The following AGBL4 variants were observed in gnomAD, a reference collection of about 807,000 sequenced individuals.
AGBL4 encodes AGBL carboxypeptidase 4, also known as cytosolic carboxypeptidase 6.
In AGBL4, 58 loss-of-function variants were observed where a neutral mutation model predicts 66.4. That is an observed-to-expected ratio of 0.87 (90% CI 0.71 to 1.09). The LOEUF (loss-of-function observed/expected upper bound fraction) is 1.09, where lower values mean the gene tolerates loss of function less well. Among genes scored for constraint, AGBL4 ranks in the 50% least tolerant of loss-of-function variants. The probability of loss-of-function intolerance (pLI) is 0.00; values close to 1 mark genes in which losing one functional copy is unlikely to be tolerated. For missense variants in AGBL4, 579 were observed against 631.0 expected (o/e 0.92, Z 0.88); for synonymous variants, 234 against 222.9 (o/e 1.05, Z -0.44).
intron 3 of AGBL4, among the ~76,000 whole-genome samples, chr1:49,253,917 CAT>C (rs1425246578): frequency 6.6e-6 from 1 of 152,220 alleles, no homozygotes; most frequent in East Asian, 1.9e-4. Context: ...ATAAAAACCA[CAT>C]GATTATTTCA....
chr1:49,093,290 G>C (rs1352190147), intron 4 of AGBL4, among the ~76,000 whole-genome samples: 1 of 152,166 alleles, frequency 6.6e-6, no homozygotes, highest in East Asian at 1.9e-4. Context: ...ATAATAATGA[G>C]AAAACAACAC....
chr1:48,661,311 G>A (rs569030116), intron 7 of AGBL4, among the ~76,000 whole-genome samples: 1 of 152,336 alleles, frequency 6.6e-6, no homozygotes, highest in African/African-American at 2.4e-5. Context: ...CTTGCCAGGT[G>A]GCAAGGAGCA....
chr1:48,531,289 T>C (rs1448415443), downstream of AGBL4, among the ~76,000 whole-genome samples: 1 of 152,194 alleles, frequency 6.6e-6, no homozygotes, highest in African/African-American at 2.4e-5. Context: ...CATATCACTG[T>C]GTCTAGCATT....
chr1:49,660,567 G>C (rs183818117), intron 3 of AGBL4, among the ~76,000 whole-genome samples: 1 of 152,246 alleles, frequency 6.6e-6, no homozygotes, highest in East Asian at 1.9e-4. Context: ...TCTAGAACCA[G>C]AAATACCATT....
chr1:48,635,608 T>C (rs1645655920), intron 8 of AGBL4, among the ~76,000 whole-genome samples: 1 of 152,244 alleles, frequency 6.6e-6, no homozygotes, highest in African/African-American at 2.4e-5. Context: ...GCAAGTCCCT[T>C]GCTCTCTCAA....
intron 6 of AGBL4, among the ~76,000 whole-genome samples, chr1:48,679,498 C>A (rs1646420529): frequency 6.7e-6 from 1 of 149,864 alleles, no homozygotes; most frequent in African/African-American, 2.6e-5. Flanking sequence ...GGGAACCTGC[C>A]TTATCTATCC....
At chr1:48,535,081 A>G (rs367977525) in intron 12 of AGBL4, among the ~76,000 whole-genome samples, 165 bp from the exon 13 acceptor site, 2 of 152,236 alleles carry the variant, frequency 1.3e-5, no homozygotes, top group South Asian at 4.2e-4. Context: ...GGAAGCCCAG[A>G]TTTGGTCATA....
chr1:49,777,755 G>C, intron 2 of AGBL4, among the ~76,000 whole-genome samples: 1 of 152,170 alleles, frequency 6.6e-6, no homozygotes, highest in East Asian at 1.9e-4. Context: ...GAAGAGGAAG[G>C]ATTCCGGGAA....
intron 3 of AGBL4, among the ~76,000 whole-genome samples, chr1:49,682,706 C>T (rs1162842275): frequency 1.3e-5 from 2 of 152,200 alleles, no homozygotes; most frequent in Non-Finnish European, 2.9e-5. Flanking sequence ...GTAGGGCCCA[C>T]ATTTGATTTA....
At chr1:48,756,685 G>A (rs1159638754) in intron 6 of AGBL4, among the ~76,000 whole-genome samples, 3 of 152,162 alleles carry the variant, frequency 2.0e-5, no homozygotes, top group Admixed American at 6.5e-5. Context: ...TTATTCTTGC[G>A]GATTTGTCTT....
At chr1:49,979,977 T>C (rs1435251389) in intron 1 of AGBL4, among the ~76,000 whole-genome samples, 2 of 152,206 alleles carry the variant, frequency 1.3e-5, no homozygotes, top group South Asian at 2.1e-4. Flanking sequence ...AAATACAGTA[T>C]AGTATTATAA....
chr1:48,707,285 C>A (rs1038418323), intron 6 of AGBL4, among the ~76,000 whole-genome samples: 1 of 151,852 alleles, frequency 6.6e-6, no homozygotes, highest in African/African-American at 2.4e-5. Flanking sequence ...CAGAGTGAGA[C>A]CCTATATCCA....
intron 3 of AGBL4, among the ~76,000 whole-genome samples, chr1:49,293,062 C>G (rs571442585): frequency 4.6e-5 from 7 of 152,244 alleles, no homozygotes; most frequent in Non-Finnish European, 8.8e-5. Context: ...GTGACTCCCT[C>G]TTTGGGGCCC....
At chr1:48,879,731 C>A (rs1649587348) in intron 5 of AGBL4, among the ~76,000 whole-genome samples, 1 of 152,044 alleles carries the variant, frequency 6.6e-6, no homozygotes, top group Non-Finnish European at 1.5e-5. Flanking sequence ...TATTTAACTC[C>A]ATTTTAGAGA....
intron 3 of AGBL4, among the ~76,000 whole-genome samples, chr1:49,283,570 T>C (rs1204192515): frequency 1.3e-5 from 2 of 152,180 alleles, no homozygotes; most frequent in South Asian, 2.1e-4. Context: ...CAAATTACTC[T>C]GAGCTACAGA....
chr1:49,661,834 T>C (rs1317081229), intron 3 of AGBL4, among the ~76,000 whole-genome samples: 6 of 152,004 alleles, frequency 3.9e-5, no homozygotes, highest in African/African-American at 1.4e-4. Flanking sequence ...ATTATAGGCA[T>C]TTACCCAAGA....
At chr1:49,278,521 C>CA (rs1188405548) in intron 3 of AGBL4, among the ~76,000 whole-genome samples, 7 of 152,180 alleles carry the variant, frequency 4.6e-5, no homozygotes, top group African/African-American at 1.7e-4. Context: ...CAGGTACTGT[C>CA]AGACCAGATG....
At chr1:49,933,839 G>A (rs529878078) in intron 1 of AGBL4, among the ~76,000 whole-genome samples, 2 of 152,000 alleles carry the variant, frequency 1.3e-5, no homozygotes, top group South Asian at 4.2e-4. Context: ...AAACACAAAG[G>A]GAGATAGCAA....
At chr1:49,079,395 A>G (rs747744146) in intron 4 of AGBL4, among the ~76,000 whole-genome samples, 10 of 152,314 alleles carry the variant, frequency 6.6e-5, no homozygotes, top group Non-Finnish European at 1.3e-4. Flanking sequence ...ACTTACAATC[A>G]TGATGGAAGG....
Sources: gnomAD v4.1 joint callset for allele counts (sites outside exome capture counted in the v4.1 genomes callset) on GRCh38, gnomAD v4.1.1 for gene constraint, MANE v1.5 for transcripts, NCBI Gene and HGNC (gene_info 2026-07-23, HGNC 2026-07-21) for gene names.